Variants in PGS1 observed in about 807,000 individuals in gnomAD.
PGS1 encodes phosphatidylglycerophosphate synthase 1.
PGS1 carries 44 observed loss-of-function variants against 58.3 expected under a neutral mutation model. That is an observed-to-expected ratio of 0.75 (90% CI 0.59 to 0.97). The LOEUF is 0.97. Among genes scored for constraint, PGS1 ranks in the 50% least tolerant of loss-of-function variants. The probability of loss-of-function intolerance (pLI) is 0.00; values close to 1 mark genes in which losing one functional copy is unlikely to be tolerated. For missense variants in PGS1, 684 were observed against 731.1 expected (o/e 0.94, Z 0.74); for synonymous variants, 330 against 311.0 (o/e 1.06, Z -0.64).
chr17:78,393,420 C>T (rs985071077), intron 2 of PGS1, among the ~76,000 whole-genome samples: 1 of 152,108 alleles, frequency 6.6e-6, no homozygotes, highest in Non-Finnish European at 1.5e-5. Flanking sequence ...TTGTGGACCA[C>T]GGGAAGGGAG....
chr17:78,379,470 T>C (rs2081877616), intron 1 of PGS1, among the ~76,000 whole-genome samples: 1 of 152,160 alleles, frequency 6.6e-6, no homozygotes, highest in Non-Finnish European at 1.5e-5. Context: ...AGTGGTCTTT[T>C]AAAATAAACA....
In PGS1 at chr17:78,403,896, G is replaced by C; in HGVS notation, c.1209G>C (p.Arg403=). ...QAYMDLVLGT[R]AEYQILLASP... ...ACATGGACCTGGTCTTGGGCACTCG[G>C]GCTGAGTACCAGATCCTGCTGGCCT... Residue 403 remains arginine, a synonymous_variant, in exon 7 of 10, where the codon CGG becomes CGC. Coordinates refer to ENST00000262764, the MANE Select transcript of PGS1 (RefSeq NM_024419.5). 6.2e-7 allele frequency: 1 copy of C among 1,614,146 alleles called. No individual in the cohort carries two copies. The highest frequency in any genetic ancestry group is 8.5e-7 in the Non-Finnish European group (1 of 1,179,956).
chr17:78,398,496 GAGTT>G, intron 4 of PGS1, 145 bp downstream of exon 4: 1 of 647,340 alleles, frequency 1.5e-6, no homozygotes, highest in Non-Finnish European at 2.7e-6. Context: ...CTGATTGTGT[GAGTT>G]AGGATTTTTT....
At chr17:78,423,480 G>C (rs1395635699) in intron 9 of PGS1, among the ~76,000 whole-genome samples, 4 of 152,198 alleles carry the variant, frequency 2.6e-5, no homozygotes, top group Admixed American at 6.5e-5. Flanking sequence ...TTGGCAGGTG[G>C]TTTGCATGAA....
intron 9 of PGS1, chr17:78,420,391 T>G (rs2085609414): frequency 4.4e-6 from 1 of 224,944 alleles, no homozygotes; most frequent in Non-Finnish European, 7.4e-6. Context: ...GGTGGGGTCT[T>G]TGCTGAGTGA....
chr17:78,387,164 C>T (rs1053276238), intron 1 of PGS1, among the ~76,000 whole-genome samples: 3 of 151,746 alleles, frequency 2.0e-5, no homozygotes, highest in Non-Finnish European at 4.4e-5. Context: ...CCACCATGCC[C>T]AGCTAATTTT....
intron 1 of PGS1, among the ~76,000 whole-genome samples, chr17:78,379,140 T>C (rs1598199007): frequency 6.6e-6 from 1 of 152,334 alleles, no homozygotes; most frequent in Non-Finnish European, 1.5e-5. Context: ...GGACTGTGTG[T>C]GCGTTCAGGG....
At chr17:78,420,060 T>TGTAGAC in intron 9 of PGS1, 1 of 1,070,754 alleles carries the variant, frequency 9.3e-7, no homozygotes, top group Non-Finnish European at 1.1e-6. Context: ...GTGCAGGAGA[T>TGTAGAC]GTAGACGTGG....
intron 9 of PGS1, chr17:78,423,667 G>A: frequency 2.0e-6 from 1 of 500,776 alleles, no homozygotes; most frequent in Non-Finnish European, 3.6e-6. Context: ...CCTCACAGTG[G>A]CCATCAGGCA....
chr17:78,410,906 G>A (rs2084626345), intron 7 of PGS1, among the ~76,000 whole-genome samples: 2 of 152,142 alleles, frequency 1.3e-5, no homozygotes, highest in South Asian at 4.1e-4. Flanking sequence ...ATTGGGAATG[G>A]GTCACTGGGT....
intron 1 of PGS1, among the ~76,000 whole-genome samples, chr17:78,388,354 C>A (rs901099459): frequency 6.6e-6 from 1 of 151,970 alleles, no homozygotes; most frequent in Non-Finnish European, 1.5e-5. Context: ...TTTCTCTGGA[C>A]TACTGAGGCC....
chr17:78,386,848 A>T (rs555232771), intron 1 of PGS1, among the ~76,000 whole-genome samples: 1 of 152,252 alleles, frequency 6.6e-6, no homozygotes, highest in Admixed American at 6.5e-5. Context: ...GTTCTGTCTG[A>T]TGTGAAAGAA....
chr17:78,403,228 C>A (rs1046446672), intron 6 of PGS1, among the ~76,000 whole-genome samples: 2 of 152,024 alleles, frequency 1.3e-5, no homozygotes, highest in African/African-American at 2.4e-5. Context: ...GTATGTCCCC[C>A]CCAAGGAATT....
chr17:78,387,303 C>CTTTTTT (rs552622170), intron 1 of PGS1, among the ~76,000 whole-genome samples: 8 of 144,608 alleles, frequency 5.5e-5, no homozygotes, highest in South Asian at 4.4e-4. Flanking sequence ...TGCGCCCAGC[C>CTTTTTT]TTTTTTTTTT....
chr17:78,411,695 C>G (rs892634008), intron 7 of PGS1, among the ~76,000 whole-genome samples: 5 of 152,150 alleles, frequency 3.3e-5, no homozygotes, highest in Non-Finnish European at 7.3e-5. Flanking sequence ...GCCCAAAGGT[C>G]AGGCCCTGGG....
At position 78,400,543 on chromosome 17, in the gene PGS1, G is replaced by C. The variant is rs187508733; in HGVS notation, c.702-134G>C. The C allele has an allele frequency of 5.4e-4, 393 of 723,210 alleles. No individual in the cohort carries two copies. In the East Asian group the frequency reaches 9.7e-3, roughly 18 times the overall value. 44.8% of individuals were successfully genotyped at this position (723,210 alleles called of 1,614,324 possible). ...GTCTTTTGCACGTGTTCATTGCTGA[G>C]TAGCTATTTGTTAACTGCATCTTGA... On this transcript the variant is annotated intron_variant, in intron 5 of 9. Transcript: ENST00000262764. The surrounding 1 kb of genome is among the most constrained non-coding windows in gnomAD (Gnocchi z 4.4).
intron 1 of PGS1, among the ~76,000 whole-genome samples, chr17:78,388,437 C>T (rs564810222): frequency 6.0e-4 from 92 of 152,194 alleles, no homozygotes; most frequent in African/African-American, 2.1e-3. Context: ...TAGGGTCACG[C>T]GATCGTCCCC....
intron 1 of PGS1, among the ~76,000 whole-genome samples, chr17:78,380,227 C>T (rs974205517): frequency 2.0e-5 from 3 of 152,110 alleles, no homozygotes; most frequent in African/African-American, 7.2e-5. Flanking sequence ...CTTAGAACTG[C>T]TTCCTTTAGT....
At chr17:78,379,171 G>C (rs2081852602) in intron 1 of PGS1, among the ~76,000 whole-genome samples, 1 of 152,206 alleles carries the variant, frequency 6.6e-6, no homozygotes, top group South Asian at 2.1e-4. Flanking sequence ...AAGCTCCAGA[G>C]GCTGTTTATA....
Sources: gnomAD v4.1 joint callset for allele counts (sites outside exome capture counted in the v4.1 genomes callset) on GRCh38, gnomAD v4.1.1 for gene constraint, Gnocchi (gnomAD v3.1) non-coding constraint, MANE v1.5 for transcripts, NCBI Gene and HGNC (gene_info 2026-07-23, HGNC 2026-07-21) for gene names.